Variants in D2HGDH observed in about 807,000 individuals in gnomAD.
D2HGDH encodes the protein D-2-hydroxyglutarate dehydrogenase, also known as D-2-hydroxyglutarate dehydrogenase, mitochondrial.
Under a neutral mutation model 46.9 loss-of-function variants are expected in D2HGDH, and 31 were observed. The observed-to-expected ratio is 0.66, with a 90% CI of 0.50 to 0.89. D2HGDH has a LOEUF of 0.89. Ranked by LOEUF, D2HGDH falls within the 40% of genes least tolerant of loss-of-function variation. The pLI, the probability that D2HGDH is intolerant of heterozygous loss-of-function variation, is 0.00. For synonymous variants in D2HGDH, 364 were observed against 332.6 expected (o/e 1.09, Z -1.03); for missense variants, 698 against 720.8 (o/e 0.97, Z 0.36).
chr2:241,749,850 G>A (rs1255437082), intron 6 of D2HGDH: 3 of 440,486 alleles, frequency 6.8e-6, no homozygotes, highest in South Asian at 6.1e-5. Context: ...CACCAGGCGT[G>A]CCCTGCCCCT....
Position 241,742,490 on chromosome 2 carries a change from G to C in D2HGDH, c.406G>C (p.Val136Leu). The C allele has an allele frequency of 6.2e-7, 1 of 1,614,076 alleles. No individual in the cohort carries two copies. Among genetic ancestry groups the C allele is most frequent in the Non-Finnish European group, 8.5e-7 (1 of 1,180,006 alleles). Reference protein sequence around the residue: ...VNPQGGNTGMVGGSVPVFDEI... With the variant: ...VNPQGGNTGMLGGSVPVFDEI... ...CCCACAGGGGGGCAACACAGGCATGGTGGGTGGCAGCGTCCCCGTCTTTGA... is the reference window on the plus strand; with the variant it reads ...CCCACAGGGGGGCAACACAGGCATGCTGGGTGGCAGCGTCCCCGTCTTTGA... Residue 136 changes from valine to leucine, a missense_variant, in exon 4 of 10, where the codon GTG (valine) becomes CTG (leucine). Transcript: ENST00000321264. This position sits in a 1 kb window ranked among gnomAD's most constrained non-coding sequence, Gnocchi z 4.8.
At chr2:241,751,141 C>A in intron 7 of D2HGDH, 105 bp from the exon 8 acceptor site, 1 of 1,520,162 alleles carries the variant, frequency 6.6e-7, no homozygotes, top group Non-Finnish European at 9.1e-7. Flanking sequence ...TTCTTGGCCA[C>A]GAAAGATCAG....
intron 6 of D2HGDH, among the ~76,000 whole-genome samples, chr2:241,746,936 C>T (rs1189998500): frequency 6.6e-6 from 1 of 150,864 alleles, no homozygotes; most frequent in Non-Finnish European, 1.5e-5. Flanking sequence ...GTTTTATAAT[C>T]AGGCAATTCC....
At chr2:241,734,968 T>G in intron 1 of D2HGDH, 165 bp from the exon 2 acceptor site, 1 of 500,214 alleles carries the variant, frequency 2.0e-6, no homozygotes, top group East Asian at 3.6e-5. Flanking sequence ...CCAGGCCTGC[T>G]GCGTGGGGCT....
chr2:241,768,100 G>A lies in D2HGDH; in HGVS notation c.*131G>A, dbSNP rs1699302590. 2 of 1,340,700 alleles carry A rather than the reference G, an allele frequency of 1.5e-6. No individual in the cohort carries two copies. Among genetic ancestry groups the A allele is most frequent in the Admixed American group, 2.6e-5 (1 of 37,898 alleles). 83.1% of individuals were successfully genotyped at this position (1,340,700 alleles called of 1,614,324 possible). On this transcript the variant is annotated 3_prime_UTR_variant, in exon 10 of 10. Coordinates refer to ENST00000321264, the MANE Select transcript of D2HGDH (RefSeq NM_152783.5). ...AGGCACCTGGTTGAAGGGACTGGGA[G>A]CCCGCACTGGGGAACTGCCGGACGC...
In D2HGDH at chr2:241,768,702, G is replaced by A. The variant is rs1699338349; in HGVS notation, c.*733G>A. The A allele has an allele frequency of 6.6e-6, 1 of 152,292 alleles. No homozygotes were observed. The highest frequency in any genetic ancestry group is 2.4e-5 in the African/African-American group (1 of 41,444). 9.4% of individuals were successfully genotyped at this position (152,292 alleles called of 1,614,324 possible). ...CGGCACGGACAAGGGCCACTGCAGA[G>A]TGTGTTTCTGCTCGTCAGCTGCCCT... On this transcript the variant is annotated 3_prime_UTR_variant, in exon 10 of 10. Coordinates refer to ENST00000321264, the MANE Select transcript of D2HGDH (RefSeq NM_152783.5).
chr2:241,755,570 G>A (rs930421837), intron 8 of D2HGDH: 7 of 1,450,818 alleles, frequency 4.8e-6, no homozygotes, highest in Admixed American at 2.1e-5. Flanking sequence ...CGGTGCTGTC[G>A]TGGAGCCTGG....
At chr2:241,746,756 T>C (rs62192013) in intron 6 of D2HGDH, among the ~76,000 whole-genome samples, 83,393 of 151,768 alleles carry the variant, frequency 0.55, 24,711 homozygotes, top group African/African-American at 0.79. Flanking sequence ...GGCATGGTGG[T>C]GGACGCCTGT....
At chr2:241,755,193 G>A (rs755964303) in intron 8 of D2HGDH, 8 of 1,289,946 alleles carry the variant, frequency 6.2e-6, no homozygotes, top group East Asian at 5.7e-5. Flanking sequence ...CCCGCCCGCC[G>A]TGTCCCTCCT....
chr2:241,735,628 G>C (rs531745649), intron 2 of D2HGDH, 112 bp downstream of exon 2: 91 of 1,451,570 alleles, frequency 6.3e-5, no homozygotes, highest in Non-Finnish European at 8.1e-5. Context: ...CCAGCCCCTG[G>C]CTGCGCTGAG....
rs529589529 is a variant in D2HGDH, at chr2:241,749,720, C to T, written c.854-431C>T. 82 of 332,700 alleles carry T rather than the reference C, an allele frequency of 2.5e-4. 1 individual carries two copies. Among genetic ancestry groups the T allele is most frequent in the Non-Finnish European group, 2.1e-4 (36 of 169,940 alleles). The allele number at this position is 332,700 out of a possible 1,614,324, so 20.6% of individuals were successfully genotyped here. On this transcript the variant is annotated intron_variant, in intron 6 of 9. Coordinates refer to ENST00000321264, the MANE Select transcript of D2HGDH (RefSeq NM_152783.5). ...TCTCAGGTGCTGTGTGGTTCTTCGG[C>T]GCCTTCCCCTCCTGATTTGATGCTG...
chr2:241,755,769 C>CTA (rs1290937481), intron 8 of D2HGDH, 80 bp from the exon 9 acceptor site: 1 of 1,611,052 alleles, frequency 6.2e-7, no homozygotes, highest in African/African-American at 1.3e-5. Context: ...TGCTGCTGCC[C>CTA]TAACCCCGTG....
chr2:241,735,787 G>A (rs1692622330), intron 2 of D2HGDH, among the ~76,000 whole-genome samples: 1 of 152,098 alleles, frequency 6.6e-6, no homozygotes, highest in African/African-American at 2.4e-5. Context: ...GTGCAGTCAC[G>A]GAGTTTCACT....
At chr2:241,754,829 C>G (rs1013404536) in intron 8 of D2HGDH, 2 of 356,822 alleles carry the variant, frequency 5.6e-6, no homozygotes, top group East Asian at 1.8e-4. Flanking sequence ...TCTGAAACTC[C>G]TGGGCTCAAG....
At position 241,751,282 on chromosome 2, in the gene D2HGDH, C is replaced by T; in HGVS notation, c.1034C>T (p.Ser345Phe). The change falls in exon 8 of 10, where the codon TCC (serine) becomes TTC (phenylalanine). Residue 345 changes from serine (S) to phenylalanine (F), a missense_variant. Physicochemically the swap from Ser to Phe is radical, Grantham distance 155. Coordinates refer to ENST00000321264, the MANE Select transcript of D2HGDH (RefSeq NM_152783.5). ...PFYVLIETSG[S>F]NAGHDAEKLG... ...TACGTCCTCATCGAGACTTCAGGCT[C>T]CAACGCAGGCCATGACGCTGAGAAG... 6.2e-7 allele frequency: 1 copy of T among 1,614,020 alleles called. No homozygotes were observed. Among genetic ancestry groups the T allele is most frequent in the Non-Finnish European group, 8.5e-7 (1 of 1,180,048 alleles).
At chr2:241,748,401 G>A (rs1292602248) in intron 6 of D2HGDH, among the ~76,000 whole-genome samples, 1 of 152,220 alleles carries the variant, frequency 6.6e-6, no homozygotes, top group African/African-American at 2.4e-5. Context: ...GATTACAGGT[G>A]TGAGCCACTG....
chr2:241,750,475 T>C (rs553730051), intron 7 of D2HGDH, among the ~76,000 whole-genome samples, 181 bp downstream of exon 7: 1 of 152,240 alleles, frequency 6.6e-6, no homozygotes, highest in East Asian at 1.9e-4. Context: ...CTTAACATAT[T>C]TAGGACAAAG....
intron 6 of D2HGDH, chr2:241,749,331 C>CT: frequency 7.8e-7 from 1 of 1,288,598 alleles, no homozygotes; most frequent in South Asian, 1.2e-5. Flanking sequence ...CCTGTGAGAC[C>CT]TTCTCTCTGG....
rs1575159377 is a variant in D2HGDH at position 241,734,939 on chromosome 2, A to G, written c.-92-194A>G. On this transcript the variant is annotated intron_variant, in intron 1 of 9. Coordinates refer to ENST00000321264, the MANE Select transcript of D2HGDH (RefSeq NM_152783.5). ...GCAAGGTCCCGGCGAGGCCGCCCCG[A>G]GCCTGCGCGTCGCTAAGTCCAGGCC... 1.3e-5 allele frequency: 5 copies of G among 393,310 alleles called. No individual in the cohort carries two copies. The East Asian group carries it at 2.0e-4, about 16-fold the overall frequency. The allele number at this position is 393,310 out of a possible 1,614,324, so 24.4% of individuals were successfully genotyped here.
Sources: allele counts gnomAD v4.1 joint callset (sites outside exome capture counted in the v4.1 genomes callset), GRCh38; gene constraint gnomAD v4.1.1; non-coding constraint Gnocchi (gnomAD v3.1); transcripts MANE v1.5; gene names NCBI Gene and HGNC (gene_info 2026-07-23, HGNC 2026-07-21).